CARS1: variants seen among roughly 807,000 people sequenced by gnomAD.
CARS1 encodes the protein cysteinyl-tRNA synthetase 1, also known as cysteine--tRNA ligase, cytoplasmic.
In CARS1, 48 loss-of-function variants were observed where a neutral mutation model predicts 106.2. The ratio of observed to expected loss-of-function variants is 0.45; its 90% CI spans 0.36 to 0.57. The LOEUF (loss-of-function observed/expected upper bound fraction) is 0.57. Among genes scored for constraint, CARS1 ranks in the 20% least tolerant of loss-of-function variants. The pLI, the probability that CARS1 is intolerant of heterozygous loss-of-function variation, is 0.00. For missense variants in CARS1, 968 were observed against 1,057.2 expected (o/e 0.92, Z 1.17); for synonymous variants, 409 against 403.4 (o/e 1.01, Z -0.17).
chr11:3,042,273 G>A lies in CARS1; in HGVS notation c.275-17C>T. On this transcript the variant is annotated splice_polypyrimidine_tract_variant and intron_variant, in intron 2 of 22. Coordinates refer to ENST00000380525, the MANE Select transcript of CARS1 (RefSeq NM_001014437.3). The stretch of plus-strand genomic sequence containing the variant: ...GGCCTTTGCCTGGGAGGCAGAGAGA[G>A]CAGGATCAGGGTCCAGGGGCAGCAC... 1 of 1,603,778 alleles carries A rather than the reference G, an allele frequency of 6.2e-7. No individual in the cohort carries two copies.
Position 3,053,442 on chromosome 11 carries a change from G to A in CARS1, c.25+3901C>T, listed in dbSNP as rs1855892027. 6.6e-6 allele frequency among the ~76,000 whole-genome samples: 1 copy of A among 152,050 alleles called. No homozygotes were observed. The highest frequency in any genetic ancestry group is 6.6e-5 in the Admixed American group (1 of 15,266). ...GACGGGGTTTCTACATATTGGCCAG[G>A]CTGGTCTAGAACTCCTGACCTCAGG... On this transcript the variant is annotated intron_variant, in intron 1 of 22. Transcript: ENST00000380525. The surrounding 1 kb of genome is among the most constrained non-coding windows in gnomAD (Gnocchi z 6.6).
chr11:3,031,125 C>T (rs753479671), intron 7 of CARS1: 3 of 152,172 alleles, frequency 2.0e-5, no homozygotes, highest in Admixed American at 6.5e-5. Context: ...ACCCATGCAA[C>T]AATCCAGCCC....
intron 12 of CARS1, 51 bp from the exon 13 acceptor site, chr11:3,018,800 C>T (rs775682337): frequency 1.1e-5 from 17 of 1,581,726 alleles, no homozygotes; most frequent in Non-Finnish European, 1.3e-5. Context: ...ACTGGGGCCG[C>T]CTCCTGCCAC....
At chr11:3,051,034 C>G (rs1855632233) in intron 1 of CARS1, among the ~76,000 whole-genome samples, 1 of 152,228 alleles carries the variant, frequency 6.6e-6, no homozygotes, top group East Asian at 1.9e-4. Flanking sequence ...AATGGCACCA[C>G]AGAGTGCATG....
Position 3,038,452 on chromosome 11 carries a change from A to G in CARS1, c.652-253T>C, listed in dbSNP as rs902231238. On this transcript the variant is annotated intron_variant, in intron 6 of 22. Coordinates refer to ENST00000380525, the MANE Select transcript of CARS1 (RefSeq NM_001014437.3). The surrounding 1 kb of genome is among the most constrained non-coding windows in gnomAD (Gnocchi z 4.0). Reference sequence around the variant, plus strand: ...ACCTCTCTGTGCCTCAGTTTCTCCAATGCAAATTGGGTGTGAGAGCAGTAT... The same window carrying G: ...ACCTCTCTGTGCCTCAGTTTCTCCAGTGCAAATTGGGTGTGAGAGCAGTAT... Among the ~76,000 whole-genome samples, 1 of 152,152 alleles carries G rather than the reference A, an allele frequency of 6.6e-6. No homozygotes were observed. The highest frequency in any genetic ancestry group is 1.5e-5 in the Non-Finnish European group (1 of 68,022).
Position 3,041,630 on chromosome 11 carries a change from A to T in CARS1, c.366+535T>A, listed in dbSNP as rs767093106. Among the ~76,000 whole-genome samples, 3 of 152,114 alleles carry T rather than the reference A, an allele frequency of 2.0e-5. No homozygotes were observed. The highest frequency in any genetic ancestry group is 4.8e-5 in the African/African-American group (2 of 41,444). On this transcript the variant is annotated intron_variant, in intron 3 of 22. Coordinates refer to ENST00000380525, the MANE Select transcript of CARS1 (RefSeq NM_001014437.3). This position sits in a 1 kb window ranked among gnomAD's most constrained non-coding sequence, Gnocchi z 4.9. ...AAACATGCTCCCTGATGGAAATCCAAGCAGCCCCGCCCAGAGCCTGGTCTG... is the reference window on the plus strand; with the variant it reads ...AAACATGCTCCCTGATGGAAATCCATGCAGCCCCGCCCAGAGCCTGGTCTG...
Position 3,053,117 on chromosome 11 carries a change from G to A in CARS1, c.25+4226C>T, listed in dbSNP as rs1024254922. ...TGCTCAGCACAGATACCAAAACAAAGCCACACCAAATGAACAACAACCCTG... is the reference window on the plus strand; with the variant it reads ...TGCTCAGCACAGATACCAAAACAAAACCACACCAAATGAACAACAACCCTG... On this transcript the variant is annotated intron_variant, in intron 1 of 22. Coordinates refer to ENST00000380525, the MANE Select transcript of CARS1 (RefSeq NM_001014437.3). This position sits in a 1 kb window ranked among gnomAD's most constrained non-coding sequence, Gnocchi z 6.6. 1.3e-5 allele frequency among the ~76,000 whole-genome samples: 2 copies of A among 152,218 alleles called. No homozygotes were observed. Among genetic ancestry groups the A allele is most frequent in the African/African-American group, 2.4e-5 (1 of 41,448 alleles).
chr11:3,046,506 C>T lies in CARS1; in HGVS notation c.274+1247G>A, dbSNP rs1232559892. The stretch of plus-strand genomic sequence containing the variant: ...GACCTGCACAGCAACGGCCTCTGCC[C>T]TACGCTGGGGAAGGAGTGTCTGCTG... On this transcript the variant is annotated intron_variant, in intron 2 of 22. Coordinates refer to ENST00000380525, the MANE Select transcript of CARS1 (RefSeq NM_001014437.3). The surrounding 1 kb of genome is among the most constrained non-coding windows in gnomAD (Gnocchi z 5.8). Among the ~76,000 whole-genome samples the T allele has an allele frequency of 1.3e-5, 2 of 152,204 alleles. No homozygotes were observed. Among genetic ancestry groups the T allele is most frequent in the African/African-American group, 2.4e-5 (1 of 41,462 alleles).
Position 3,034,592 on chromosome 11 carries a change from C to T in CARS1, c.801+3458G>A, listed in dbSNP as rs1434668190. Among the ~76,000 whole-genome samples, 1 of 149,092 alleles carries T rather than the reference C, an allele frequency of 6.7e-6. No individual in the cohort carries two copies. The highest frequency in any genetic ancestry group is 2.1e-4 in the South Asian group (1 of 4,652). ...GTCGCCAGGCTGCAGTGCAACAGCA[C>T]GATCTCGGCTCACTGCAACCTCTGA... On this transcript the variant is annotated intron_variant, in intron 7 of 22. Coordinates refer to ENST00000380525, the MANE Select transcript of CARS1 (RefSeq NM_001014437.3). The surrounding 1 kb of genome is among the most constrained non-coding windows in gnomAD (Gnocchi z 6.3).
rs114110048 is a variant in CARS1, at chr11:3,026,304, A to G, written c.1153+372T>C. 2.9e-3 allele frequency among the ~76,000 whole-genome samples: 444 copies of G among 152,298 alleles called. 2 individuals are homozygous for G. The highest frequency in any genetic ancestry group is 0.01 in the African/African-American group (427 of 41,552). On this transcript the variant is annotated intron_variant, in intron 10 of 22. Transcript: ENST00000380525. ...GCACAGTAGGGTGACTATAGTTACCAAAACATTTGTTGTATATTTCAACAT... is the reference window on the plus strand; with the variant it reads ...GCACAGTAGGGTGACTATAGTTACCGAAACATTTGTTGTATATTTCAACAT...
At position 3,039,970 on chromosome 11, in the gene CARS1, A is replaced by G; in HGVS notation, c.456-39T>C. ...AAAACAAACATTTCCACACCAGACG[A>G]TATGTATAGCTTAACCTCCAACAAC... On this transcript the variant is annotated intron_variant, in intron 4 of 22. Coordinates refer to ENST00000380525, the MANE Select transcript of CARS1 (RefSeq NM_001014437.3). This position sits in a 1 kb window ranked among gnomAD's most constrained non-coding sequence, Gnocchi z 5.6. The G allele has an allele frequency of 9.4e-7, 1 of 1,064,172 alleles. No individual in the cohort carries two copies. The highest frequency in any genetic ancestry group is 1.4e-5 in the South Asian group (1 of 72,830). 65.9% of individuals were successfully genotyped at this position (1,064,172 alleles called of 1,614,324 possible). A position where few individuals can be genotyped will look rare whatever the true frequency, so the allele number is the denominator to read the frequency against.
Position 3,008,956 on chromosome 11 carries a change from A to G in CARS1, c.2069-1997T>C, listed in dbSNP as rs1850177383. The stretch of plus-strand genomic sequence containing the variant: ...AGGCCAGCACCCCAGCCCACCCGCC[A>G]TGGGTGATCATCAGAGCAGGCACCA... On this transcript the variant is annotated intron_variant, in intron 18 of 22. Coordinates refer to ENST00000380525, the MANE Select transcript of CARS1 (RefSeq NM_001014437.3). This position sits in a 1 kb window ranked among gnomAD's most constrained non-coding sequence, Gnocchi z 5.1. 1 of 152,222 alleles carries G rather than the reference A, an allele frequency of 6.6e-6. No individual in the cohort carries two copies. Among genetic ancestry groups the G allele is most frequent in the South Asian group, 2.1e-4 (1 of 4,824 alleles). The allele number at this position is 152,222 out of a possible 1,614,324, so 9.4% of individuals were successfully genotyped here.
Position 3,019,192 on chromosome 11 carries a change from C to T in CARS1, c.1342G>A (p.Gly448Ser). The T allele has an allele frequency of 6.5e-7, 1 of 1,530,048 alleles. No homozygotes were observed. The highest frequency in any genetic ancestry group is 8.8e-7 in the Non-Finnish European group (1 of 1,140,822). The allele number at this position is 1,530,048 out of a possible 1,614,324, so 94.8% of individuals were successfully genotyped here. The part of the protein sequence containing the change: ...LLGASMDIHG[G>S]GFDLRFPHHD... ...TGGGGGAACCGGAGGTCGAACCCACCTCCGTGAATGTCCATCGAAGCCCCT... is the reference window on the plus strand; with the variant it reads ...TGGGGGAACCGGAGGTCGAACCCACTTCCGTGAATGTCCATCGAAGCCCCT... The change falls in exon 12 of 23, where the codon GGT becomes AGT. Residue 448 changes from glycine (G) to serine (S), a missense_variant. Physicochemically the swap from Gly to Ser is moderately conservative, Grantham distance 56. Transcript: ENST00000380525. This position sits in a 1 kb window ranked among gnomAD's most constrained non-coding sequence, Gnocchi z 6.2.
chr11:3,033,331 A>C (rs578048425), intron 7 of CARS1, among the ~76,000 whole-genome samples: 2 of 152,354 alleles, frequency 1.3e-5, no homozygotes, highest in Non-Finnish European at 2.9e-5. Flanking sequence ...CCACAACACA[A>C]GTCTCTGTTC....
Position 3,028,960 on chromosome 11 carries a change from A to G in CARS1, c.1031+36T>C. The stretch of plus-strand genomic sequence containing the variant: ...AGCTCCTCCCTGTGCGATGTTCTGC[A>G]GCCCTTCCCTCCCTAGGGAAGGCCC... On this transcript the variant is annotated intron_variant, in intron 9 of 22. Coordinates refer to ENST00000380525, the MANE Select transcript of CARS1 (RefSeq NM_001014437.3). This position sits in a 1 kb window ranked among gnomAD's most constrained non-coding sequence, Gnocchi z 4.4. The G allele has an allele frequency of 7.0e-7, 1 of 1,424,592 alleles. No homozygotes were observed. The highest frequency in any genetic ancestry group is 2.3e-5 in the East Asian group (1 of 43,922). 88.2% of individuals were successfully genotyped at this position (1,424,592 alleles called of 1,614,324 possible).
chr11:3,029,499 T>C lies in CARS1; in HGVS notation c.802-56A>G, dbSNP rs555085458. 20 of 1,591,020 alleles carry C rather than the reference T, an allele frequency of 1.3e-5. No individual in the cohort carries two copies. In the South Asian group the frequency reaches 2.2e-4, roughly 18 times the overall value. On this transcript the variant is annotated intron_variant, in intron 7 of 22. Transcript: ENST00000380525. This position sits in a 1 kb window ranked among gnomAD's most constrained non-coding sequence, Gnocchi z 5.9. ...GGGCCACACACTTCACATGAGAACA[T>C]CTCGTGCAGCTGGTGTGAGCCCATC...
At position 3,053,817 on chromosome 11, in the gene CARS1, T is replaced by A. The variant is rs1237824640; in HGVS notation, c.25+3526A>T. Reference sequence around the variant, plus strand: ...GCTCCTAATAAGTGCCCCGGTTTGGTGGGGGTCTGCACCCCTCACTCACCC... The same window carrying A: ...GCTCCTAATAAGTGCCCCGGTTTGGAGGGGGTCTGCACCCCTCACTCACCC... On this transcript the variant is annotated intron_variant, in intron 1 of 22. Coordinates refer to ENST00000380525, the MANE Select transcript of CARS1 (RefSeq NM_001014437.3). This position sits in a 1 kb window ranked among gnomAD's most constrained non-coding sequence, Gnocchi z 6.6. Among the ~76,000 whole-genome samples the A allele has an allele frequency of 6.6e-6, 1 of 152,120 alleles. No homozygotes were observed. The highest frequency in any genetic ancestry group is 2.4e-5 in the African/African-American group (1 of 41,430).
At chr11:3,010,305 C>A (rs895777391) in intron 18 of CARS1, among the ~76,000 whole-genome samples, 8 of 152,178 alleles carry the variant, frequency 5.3e-5, no homozygotes, top group African/African-American at 1.9e-4. Context: ...GGAGCTGGGG[C>A]CCGGGCTCGG....
rs994535724 is a variant in CARS1 at position 3,030,766 on chromosome 11, T to C, written c.802-1323A>G. On this transcript the variant is annotated intron_variant, in intron 7 of 22. Coordinates refer to ENST00000380525, the MANE Select transcript of CARS1 (RefSeq NM_001014437.3). The surrounding 1 kb of genome is among the most constrained non-coding windows in gnomAD (Gnocchi z 5.7). ...GGACGGACTCCCAGATGACAGGCAA[T>C]AGCAAGCAGGGACAGGCCAGCAAAG... 6.6e-5 allele frequency: 10 copies of C among 152,122 alleles called. No individual in the cohort carries two copies. Among genetic ancestry groups the C allele is most frequent in the African/African-American group, 4.8e-5 (2 of 41,408 alleles). 9.4% of individuals were successfully genotyped at this position (152,122 alleles called of 1,614,324 possible).
Sources: allele counts gnomAD v4.1 joint callset (sites outside exome capture counted in the v4.1 genomes callset), GRCh38; gene constraint gnomAD v4.1.1; non-coding constraint Gnocchi (gnomAD v3.1); transcripts MANE v1.5; gene names NCBI Gene and HGNC (gene_info 2026-07-23, HGNC 2026-07-21).